Variants in ITGB2 observed in about 807,000 individuals in gnomAD.
The protein encoded by ITGB2 is integrin subunit beta 2.
A neutral mutation model predicts 86.8 loss-of-function variants in ITGB2; 56 were observed. The observed-to-expected ratio is 0.65, with a 90% confidence interval of 0.52 to 0.81. The LOEUF (loss-of-function observed/expected upper bound fraction) is 0.81. ITGB2 is among the 30% of genes least tolerant of loss of function. The pLI is 0.00. For synonymous variants in ITGB2, 457 were observed against 450.4 expected (o/e 1.01, Z -0.19); for missense variants, 948 against 1,061.2 (o/e 0.89, Z 1.48).
At chr21:44,886,945 C>G in intron 14 of ITGB2, 43 bp from the exon 15 acceptor site, 1 of 1,606,610 alleles carries the variant, frequency 6.2e-7, no homozygotes, top group Non-Finnish European at 8.5e-7. Context: ...CCAGCCCCAT[C>G]TCACTGAGCC....
At chr21:44,912,442 C>CTGT in intron 1 of ITGB2, among the ~76,000 whole-genome samples, 1 of 152,362 alleles carries the variant, frequency 6.6e-6, no homozygotes, top group South Asian at 2.1e-4. Flanking sequence ...CCCCAAGGTC[C>CTGT]TGTTGTTTTG....
At chr21:44,888,194 C>G (rs748079416) in intron 14 of ITGB2, among the ~76,000 whole-genome samples, 2 of 152,140 alleles carry the variant, frequency 1.3e-5, no homozygotes, top group Non-Finnish European at 1.5e-5. Flanking sequence ...GGACTGGTTC[C>G]GACTGGACTG....
chr21:44,893,520 C>G lies in ITGB2; in HGVS notation c.1108G>C (p.Asp370His). Reference protein sequence around the residue: ...YNKLSSRVFLDHNALPDTLKV... With the variant: ...YNKLSSRVFLHHNALPDTLKV... Reference sequence around the variant, plus strand: ...AGGGTGTCGGGGAGGGCGTTGTGATCCAGGAAGACCCTGGAGGAGAGTTTC... The same window carrying G: ...AGGGTGTCGGGGAGGGCGTTGTGATGCAGGAAGACCCTGGAGGAGAGTTTC... Residue 370 changes from aspartate (D) to histidine (H), a missense_variant, in exon 10 of 16, where the codon GAT (aspartate) becomes CAT (histidine). Asp to His is a moderately conservative substitution (Grantham distance 81). Coordinates refer to ENST00000652462, the MANE Select transcript of ITGB2 (RefSeq NM_000211.5). The G allele has an allele frequency of 6.2e-7, 1 of 1,614,006 alleles. No homozygotes were observed. Among genetic ancestry groups the G allele is most frequent in the Admixed American group, 1.7e-5 (1 of 60,018 alleles).
chr21:44,888,123 A>C lies in ITGB2; in HGVS notation c.2080+570T>G, dbSNP rs149309606. ...CCACCAAGGTCACTGTGGGGCTGGGACTGGTTCCGACTGGAGCCGAATGAG... is the reference window on the plus strand; with the variant it reads ...CCACCAAGGTCACTGTGGGGCTGGGCCTGGTTCCGACTGGAGCCGAATGAG... On this transcript the variant is annotated intron_variant, in intron 14 of 15. Transcript: ENST00000652462. 4.0e-4 allele frequency among the ~76,000 whole-genome samples: 58 copies of C among 146,306 alleles called. No individual in the cohort carries two copies. In the East Asian group the frequency reaches 0.015, roughly 37 times the overall value.
At chr21:44,899,208 G>T in intron 7 of ITGB2, 46 bp from the exon 8 acceptor site, 1 of 1,419,394 alleles carries the variant, frequency 7.0e-7, no homozygotes, top group South Asian at 1.2e-5. Flanking sequence ...TCCAGGACAA[G>T]GCTTCCAGGT....
intron 13 of ITGB2, 37 bp downstream of exon 13, chr21:44,889,239 G>A (rs763253624): frequency 5.0e-6 from 8 of 1,595,378 alleles, no homozygotes; most frequent in Admixed American, 1.7e-5. Context: ...GGGGAGTGGG[G>A]ATCCCTGCCC....
chr21:44,906,900 C>A lies in ITGB2; in HGVS notation c.328+15G>T, dbSNP rs5030668. 4.3e-6 allele frequency: 7 copies of A among 1,613,926 alleles called. No homozygotes were observed. The highest frequency in any genetic ancestry group is 5.9e-6 in the Non-Finnish European group (7 of 1,179,860). On this transcript the variant is annotated intron_variant, in intron 4 of 15. Transcript: ENST00000652462. ...CACAGACGGTGCCTGGCACCACCAC[C>A]GAGGCCAAGCCTACCTGGTCGCAGG... is the stretch of plus-strand genomic sequence containing the variant.
At chr21:44,891,681 G>A (rs2083787021) in intron 11 of ITGB2, 128 bp downstream of exon 11, 3 of 1,055,862 alleles carry the variant, frequency 2.8e-6, no homozygotes, top group South Asian at 2.9e-5. Flanking sequence ...GCAGAAGGGG[G>A]CCCCCAGGAT....
intron 3 of ITGB2, among the ~76,000 whole-genome samples, chr21:44,909,942 G>C (rs2084103481): frequency 6.6e-6 from 1 of 152,244 alleles, no homozygotes; most frequent in Non-Finnish European, 1.5e-5. Flanking sequence ...TGCGGGGCCA[G>C]AAGCGCGCGT....
intron 5 of ITGB2, among the ~76,000 whole-genome samples, chr21:44,903,122 A>G (rs539522999): frequency 2.6e-5 from 4 of 152,310 alleles, no homozygotes; most frequent in South Asian, 4.1e-4. Context: ...AAGGAAGTAG[A>G]AGATGGAAGG....
In ITGB2 at chr21:44,900,168, C is replaced by A; in HGVS notation, c.897+152G>T. ...CTGGCCTGAGGCCAGTCCGGGGAGACCCCACGCTGCCACTTGGGGCTTCCA... is the reference window on the plus strand; with the variant it reads ...CTGGCCTGAGGCCAGTCCGGGGAGAACCCACGCTGCCACTTGGGGCTTCCA... On this transcript the variant is annotated intron_variant, in intron 7 of 15. Transcript: ENST00000652462. 2 of 1,056,220 alleles carry A rather than the reference C, an allele frequency of 1.9e-6. 1 individual carries two copies. Among genetic ancestry groups the A allele is most frequent in the South Asian group, 2.9e-5 (2 of 68,836 alleles). 65.4% of individuals were successfully genotyped at this position (1,056,220 alleles called of 1,614,324 possible). A position where few individuals can be genotyped will look rare whatever the true frequency, so the allele number is the denominator to read the frequency against.
In ITGB2 at chr21:44,900,464, G is replaced by A; in HGVS notation, c.753C>T (p.Gly251=). The change falls in exon 7 of 16, where the codon GGC becomes GGT. Residue 251 remains glycine (G), a synonymous_variant. Coordinates refer to ENST00000652462, the MANE Select transcript of ITGB2 (RefSeq NM_000211.5). ...MQVAACPEEI[G]WRNVTRLLVF... The stretch of plus-strand genomic sequence containing the variant: ...CCAGCAGCCGCGTGACGTTGCGCCA[G>A]CCGATTTCCTCCTGAGAAGAAGGCG... 6.2e-7 allele frequency: 1 copy of A among 1,614,030 alleles called. No individual in the cohort carries two copies. The highest frequency in any genetic ancestry group is 8.5e-7 in the Non-Finnish European group (1 of 1,179,976).
At chr21:44,893,286 G>C in intron 10 of ITGB2, 118 bp downstream of exon 10, 3 of 1,264,010 alleles carry the variant, frequency 2.4e-6, no homozygotes, top group Non-Finnish European at 3.4e-6. Context: ...GGGGACCCTG[G>C]CTCCTTCTGG....
chr21:44,918,112 G>A (rs1033388236), intron 1 of ITGB2, among the ~76,000 whole-genome samples: 3 of 152,250 alleles, frequency 2.0e-5, no homozygotes, highest in Non-Finnish European at 2.9e-5. Flanking sequence ...ATTGCTAGGC[G>A]CCCACTGCAG....
Position 44,890,190 on chromosome 21 carries a change from T to G in ITGB2, c.1445A>C (p.Glu482Ala). The G allele has an allele frequency of 1.2e-6, 2 of 1,613,262 alleles. No individual in the cohort carries two copies. The highest frequency in any genetic ancestry group is 1.7e-6 in the Non-Finnish European group (2 of 1,180,000). ...GCTGCTCCGGCCCTGTGTCTGGCAC[T>G]CACAGTTTTTCCCAATGTAGCCAGT... ...CDTGYIGKNC[E>A]CQTQGRSSQE... Residue 482 changes from glutamate to alanine, a missense_variant, in exon 12 of 16, where the codon GAG becomes GCG. Glu to Ala is a moderately radical substitution (Grantham distance 107). Coordinates refer to ENST00000652462, the MANE Select transcript of ITGB2 (RefSeq NM_000211.5).
chr21:44,925,137 CTTTT>C (rs71334038), upstream of ITGB2, among the ~76,000 whole-genome samples: 1 of 144,960 alleles, frequency 6.9e-6, no homozygotes, highest in Non-Finnish European at 1.5e-5. Flanking sequence ...TAGTTTATAT[CTTTT>C]TTTTTTTTTT....
In ITGB2 at chr21:44,898,946, G is replaced by T. The variant is rs571004987; in HGVS notation, c.993+121C>A. 1.5e-4 allele frequency: 119 copies of T among 814,576 alleles called. No homozygotes were observed. The African/African-American group carries it at 1.9e-3, about 13-fold the overall frequency. 50.5% of individuals were successfully genotyped at this position (814,576 alleles called of 1,614,324 possible). ...CCTAGGGGGATCCAGGACCTGGGCCGGCTGGTTGCTCACGTGCCCAGCATG... is the reference window on the plus strand; with the variant it reads ...CCTAGGGGGATCCAGGACCTGGGCCTGCTGGTTGCTCACGTGCCCAGCATG... On this transcript the variant is annotated intron_variant, in intron 8 of 15. Transcript: ENST00000652462.
At chr21:44,888,102 C>T (rs900280770) in intron 14 of ITGB2, among the ~76,000 whole-genome samples, 2 of 149,934 alleles carry the variant, frequency 1.3e-5, no homozygotes, top group Non-Finnish European at 2.9e-5. Context: ...TCAGTGCCAC[C>T]AAGGTCACTG....
At chr21:44,893,669 C>G (rs2083823256) in intron 9 of ITGB2, 125 bp from the exon 10 acceptor site, 1 of 1,284,418 alleles carries the variant, frequency 7.8e-7, no homozygotes, top group Non-Finnish European at 1.1e-6. Context: ...CAGCTAATGA[C>G]ACAGAGGAGA....
Sources: gnomAD v4.1 joint callset for allele counts (sites outside exome capture counted in the v4.1 genomes callset) on GRCh38, gnomAD v4.1.1 for gene constraint, MANE v1.5 for transcripts, NCBI Gene and HGNC (gene_info 2026-07-23, HGNC 2026-07-21) for gene names.